Variants in LIFR observed in about 807,000 individuals in gnomAD.
The protein encoded by LIFR is LIF receptor subunit alpha, also known as leukemia inhibitory factor receptor.
LIFR carries 84 observed loss-of-function variants against 122.2 expected under a neutral mutation model. The observed-to-expected ratio is 0.69, with a 90% CI of 0.58 to 0.82. The LOEUF (loss-of-function observed/expected upper bound fraction) is 0.82. Among genes scored for constraint, LIFR ranks in the 40% least tolerant of loss-of-function variants. The probability of loss-of-function intolerance (pLI) is 0.00; values close to 1 mark genes in which losing one functional copy is unlikely to be tolerated. For synonymous variants in LIFR, 422 were observed against 434.7 expected, an observed-to-expected ratio of 0.97 and a Z score of 0.36; for missense variants, 1,294 against 1,311.6, an observed-to-expected ratio of 0.99 and a Z score of 0.21.
chr5:38,527,056 A>G (rs1746726368), intron 4 of LIFR, 99 bp downstream of exon 4: 2 of 1,076,552 alleles, frequency 1.9e-6, no homozygotes, highest in Non-Finnish European at 2.7e-6. Context: ...ATTAAAAGTA[A>G]TAGCATAACA....
upstream of LIFR, chr5:38,558,548 TAAAG>T (rs1748705353): frequency 6.6e-6 from 1 of 152,098 alleles, no homozygotes; most frequent in African/African-American, 2.4e-5. Flanking sequence ...GTGGTCCTCT[TAAAG>T]AAAAAGCAAA....
chr5:38,592,664 A>G (rs892539001), intron 1 of LIFR, among the ~76,000 whole-genome samples: 5 of 152,058 alleles, frequency 3.3e-5, no homozygotes, highest in Non-Finnish European at 5.9e-5. Flanking sequence ...CTCAAAAAAA[A>G]AAAAAAAAAA....
At position 38,604,053 on chromosome 5, in the gene LIFR, G is replaced by A. The variant is rs146600543; in HGVS notation, n.305+2152C>T. On this transcript the variant is annotated intron_variant and non_coding_transcript_variant, in intron 2 of 3. Transcript: ENST00000507786. ...AAGCACATAGTGAGACTCAACAAAT[G>A]TTTATTAAATGCAGTGAACACGAGC... 6.6e-4 allele frequency among the ~76,000 whole-genome samples: 101 copies of A among 152,312 alleles called. No individual in the cohort carries two copies. In the East Asian group the frequency reaches 0.014, roughly 21 times the overall value.
At chr5:38,604,701 A>T (rs1037102112) in intron 2 of LIFR, among the ~76,000 whole-genome samples, 1 of 83,572 alleles carries the variant, frequency 1.2e-5, no homozygotes, top group African/African-American at 5.7e-5. Context: ...ACTCTGTCTC[A>T]AAAAAAAAAA....
intron 1 of LIFR, among the ~76,000 whole-genome samples, chr5:38,579,990 C>G (rs1323610124): frequency 6.6e-6 from 1 of 152,146 alleles, no homozygotes; most frequent in East Asian, 1.9e-4. Flanking sequence ...AATTTTAAAT[C>G]CTTCTCATTA....
rs7713531 is a variant in LIFR at position 38,476,239 on chromosome 5, T to C, written c.*5356A>G. ...ATTCAGTGTTCTTTTCTATGAGCAA[T>C]TGCAAAAACACTAATACTAATGTTA... is the stretch of plus-strand genomic sequence containing the variant. On this transcript the variant is annotated 3_prime_UTR_variant, in exon 20 of 20. Coordinates refer to ENST00000453190, the MANE Select transcript of LIFR (RefSeq NM_001127671.2). 6,741 of 207,532 alleles carry C rather than the reference T, an allele frequency of 0.032. 473 individuals carry two copies. The highest frequency in any genetic ancestry group is 0.14 in the African/African-American group (6,232 of 43,992). The allele number at this position is 207,532 out of a possible 1,614,324, so 12.9% of individuals were successfully genotyped here.
intron 14 of LIFR, 150 bp downstream of exon 14, chr5:38,493,456 C>CA (rs1365832777): frequency 5.2e-5 from 37 of 710,314 alleles, no homozygotes; most frequent in Non-Finnish European, 5.5e-5. Flanking sequence ...TGGATCCTTC[C>CA]ATGTGCTGCC....
At chr5:38,545,376 G>A (rs1400687699) in intron 1 of LIFR, among the ~76,000 whole-genome samples, 1 of 152,126 alleles carries the variant, frequency 6.6e-6, no homozygotes, top group Non-Finnish European at 1.5e-5. Flanking sequence ...ATGTGTGTGT[G>A]TGTATACACA....
At chr5:38,492,730 G>C (rs1055927079) in intron 14 of LIFR, among the ~76,000 whole-genome samples, 4 of 152,160 alleles carry the variant, frequency 2.6e-5, no homozygotes, top group African/African-American at 9.7e-5. Flanking sequence ...AGAGAGGTAA[G>C]GAGCAGGCTG....
chr5:38,486,567 G>A (rs1374265427), intron 16 of LIFR, among the ~76,000 whole-genome samples: 1 of 152,126 alleles, frequency 6.6e-6, no homozygotes, highest in East Asian at 1.9e-4. Context: ...AATAATGCAG[G>A]ATAACAGGTT....
In LIFR at chr5:38,474,978, T is replaced by C. The variant is rs1016978489; in HGVS notation, c.*6617A>G. 4.8e-5 allele frequency: 8 copies of C among 167,034 alleles called. No individual in the cohort carries two copies. The highest frequency in any genetic ancestry group is 2.4e-3 in the Middle Eastern group (1 of 410). The allele number at this position is 167,034 out of a possible 1,614,324, so 10.3% of individuals were successfully genotyped here. A position where few individuals can be genotyped will look rare whatever the true frequency, so the allele number is the denominator to read the frequency against. On this transcript the variant is annotated 3_prime_UTR_variant, in exon 20 of 20. Coordinates refer to ENST00000453190, the MANE Select transcript of LIFR (RefSeq NM_001127671.2). ...TCTGTCAGTGTAAGATGTAAGAAAA[T>C]ATATTTATTTTTTCCATGACAATAC...
chr5:38,539,471 G>A (rs374835647), intron 1 of LIFR, among the ~76,000 whole-genome samples: 3 of 152,006 alleles, frequency 2.0e-5, no homozygotes, highest in Non-Finnish European at 4.4e-5. Flanking sequence ...TCCACCACAC[G>A]TACAAGATTT....
intron 1 of LIFR, among the ~76,000 whole-genome samples, chr5:38,570,756 A>G (rs562018397): frequency 2.0e-4 from 30 of 152,228 alleles, no homozygotes; most frequent in Non-Finnish European, 4.0e-4. Flanking sequence ...TTCAGCATGT[A>G]TAATTCAGAC....
intron 1 of LIFR, among the ~76,000 whole-genome samples, chr5:38,549,551 G>A (rs1410847462): frequency 6.6e-6 from 1 of 152,186 alleles, no homozygotes; most frequent in African/African-American, 2.4e-5. Flanking sequence ...CCAGCACTTT[G>A]GGAGGCCGAG....
exon 1 of LIFR, chr5:38,608,294 C>T (rs1750373172): frequency 6.6e-6 from 1 of 151,964 alleles, no homozygotes; most frequent in African/African-American, 2.4e-5. Context: ...AATTTATTTT[C>T]TTCTATTTGC....
chr5:38,583,786 C>T (rs551246522), intron 1 of LIFR, among the ~76,000 whole-genome samples: 2 of 152,198 alleles, frequency 1.3e-5, no homozygotes, highest in Admixed American at 6.5e-5. Context: ...CCCATAATTC[C>T]TATGTGTTGT....
intron 1 of LIFR, among the ~76,000 whole-genome samples, chr5:38,562,479 C>T (rs1580196229): frequency 6.6e-6 from 1 of 152,274 alleles, no homozygotes; most frequent in African/African-American, 2.4e-5. Flanking sequence ...TCTTATAGCC[C>T]ATCGTACATC....
intron 15 of LIFR, among the ~76,000 whole-genome samples, 185 bp from the exon 16 acceptor site, chr5:38,489,430 T>C (rs1423781770): frequency 6.6e-6 from 1 of 152,164 alleles, no homozygotes; most frequent in South Asian, 2.1e-4. Flanking sequence ...CTAATAACCA[T>C]AGACAAAAAT....
chr5:38,561,589 C>G (rs1466291633), upstream of LIFR, among the ~76,000 whole-genome samples: 1 of 152,162 alleles, frequency 6.6e-6, no homozygotes, highest in Non-Finnish European at 1.5e-5. Context: ...TGTAGACCAT[C>G]TGAAATCCCT....
Sources: gnomAD v4.1 joint callset for allele counts (sites outside exome capture counted in the v4.1 genomes callset) on GRCh38, gnomAD v4.1.1 for gene constraint, MANE v1.5 for transcripts, NCBI Gene and HGNC (gene_info 2026-07-23, HGNC 2026-07-21) for gene names.